Variants in TTC17 observed in about 807,000 individuals in gnomAD.
The protein encoded by TTC17 is tetratricopeptide repeat protein 17.
Under a neutral mutation model 143.8 loss-of-function variants are expected in TTC17, and 58 were observed. The observed-to-expected ratio is 0.40, with a 90% CI of 0.33 to 0.50. The LOEUF is 0.50. Ranked by LOEUF, TTC17 falls within the 20% of genes least tolerant of loss-of-function variation. TTC17 has a pLI of 0.49. For missense variants in TTC17, 1,273 were observed against 1,392.5 expected (o/e 0.91, Z 1.37); for synonymous variants, 501 against 497.8 (o/e 1.01, Z -0.09).
intron 2 of TTC17, among the ~76,000 whole-genome samples, chr11:43,385,151 C>A (rs1262466538): frequency 6.6e-6 from 1 of 152,060 alleles, no homozygotes; most frequent in East Asian, 1.9e-4. Flanking sequence ...AACAAAAATA[C>A]TATAAAATAC....
At chr11:43,412,935 AT>A in intron 15 of TTC17, among the ~76,000 whole-genome samples, 1 of 151,114 alleles carries the variant, frequency 6.6e-6, no homozygotes, top group African/African-American at 2.4e-5. Flanking sequence ...GTGTTTGTGT[AT>A]TGATAAGTTG....
intron 16 of TTC17, among the ~76,000 whole-genome samples, chr11:43,425,197 T>C (rs567487107): frequency 1.3e-5 from 2 of 152,240 alleles, no homozygotes; most frequent in South Asian, 4.1e-4. Flanking sequence ...GTGTGCATGG[T>C]AGTCCCAGCT....
In TTC17 at chr11:43,389,648, A is replaced by G; in HGVS notation, c.250-4A>G. On this transcript the variant is annotated splice_polypyrimidine_tract_variant and splice_region_variant and intron_variant, in intron 2 of 23. Transcript: ENST00000039989. ...CCATTCTGTTCTTACTTTCTTCTCA[A>G]CAGAAACAATTAGTTGCTCAAAAAA... The G allele has an allele frequency of 6.2e-7, 1 of 1,603,932 alleles. No homozygotes were observed. Among genetic ancestry groups the G allele is most frequent in the Non-Finnish European group, 8.5e-7 (1 of 1,176,714 alleles).
At position 43,398,493 on chromosome 11, in the gene TTC17, C is replaced by T. The variant is rs181915227; in HGVS notation, c.1058+380C>T. On this transcript the variant is annotated intron_variant, in intron 8 of 23. Coordinates refer to ENST00000039989, the MANE Select transcript of TTC17 (RefSeq NM_018259.6). ...AATATACTAAGTTTCAGTAAAATCA[C>T]TTACATGTGCAATAGTTGATATTTC... is the stretch of plus-strand genomic sequence containing the variant. 3.0e-3 allele frequency among the ~76,000 whole-genome samples: 458 copies of T among 152,284 alleles called. 2 individuals carry two copies. The highest frequency in any genetic ancestry group is 4.9e-3 in the Non-Finnish European group (333 of 68,024).
intron 8 of TTC17, among the ~76,000 whole-genome samples, chr11:43,398,813 A>G (rs190423435): frequency 5.3e-5 from 8 of 152,322 alleles, no homozygotes; most frequent in African/African-American, 1.9e-4. Flanking sequence ...AGAGATTTAG[A>G]ACTCATTAAA....
rs1381044078 is a variant in TTC17, at chr11:43,448,095, G to C, written c.2759G>C (p.Trp920Ser). 6.2e-7 allele frequency: 1 copy of C among 1,613,958 alleles called. No homozygotes were observed. The highest frequency in any genetic ancestry group is 8.5e-7 in the Non-Finnish European group (1 of 1,179,974). ...WVELTAIVST[W>S]LAVSSKNIDI... is the part of the protein sequence containing the mutation. ...GAGCTGACTGCCATCGTGAGTACCT[G>C]GCTTGCAGTTTCTTCAAAAAACATT... The change falls in exon 19 of 24, where the codon TGG becomes TCG. Residue 920 changes from tryptophan (W) to serine (S), a missense_variant. Physicochemically the swap from Trp to Ser is radical, Grantham distance 177. Transcript: ENST00000039989.
chr11:43,428,988 G>T (rs1329211189), intron 16 of TTC17, among the ~76,000 whole-genome samples: 1 of 152,154 alleles, frequency 6.6e-6, no homozygotes, highest in East Asian at 1.9e-4. Context: ...ATTTCATTCA[G>T]CAGTAATTAC....
chr11:43,494,032 T>C lies in TTC17; in HGVS notation c.*128T>C, dbSNP rs1452275177. ...AAATAACTAAGACTTATAACAGGAC[T>C]TTTACATATGTGGGAATTGGTTTGT... On this transcript the variant is annotated 3_prime_UTR_variant, in exon 24 of 24. Coordinates refer to ENST00000039989, the MANE Select transcript of TTC17 (RefSeq NM_018259.6). 1.5e-6 allele frequency: 2 copies of C among 1,299,694 alleles called. No homozygotes were observed. Among genetic ancestry groups the C allele is most frequent in the African/African-American group, 3.0e-5 (2 of 66,696 alleles). 80.5% of individuals were successfully genotyped at this position (1,299,694 alleles called of 1,614,324 possible).
intron 15 of TTC17, among the ~76,000 whole-genome samples, chr11:43,409,594 C>T (rs979478858): frequency 1.3e-5 from 2 of 152,162 alleles, no homozygotes; most frequent in Admixed American, 6.5e-5. Flanking sequence ...ATGGAATTTC[C>T]CCTTTGATAG....
chr11:43,428,106 A>G (rs1187566312), intron 16 of TTC17, among the ~76,000 whole-genome samples: 2 of 152,182 alleles, frequency 1.3e-5, no homozygotes, highest in Non-Finnish European at 2.9e-5. Flanking sequence ...GTAGGAGCTA[A>G]CATGTCTGAC....
intron 21 of TTC17, among the ~76,000 whole-genome samples, chr11:43,454,589 C>G (rs956519340): frequency 6.6e-6 from 1 of 151,798 alleles, no homozygotes; most frequent in African/African-American, 2.4e-5. Flanking sequence ...CGAGAAATAT[C>G]CAAATAAAAT....
intron 2 of TTC17, 45 bp from the exon 3 acceptor site, chr11:43,389,606 TA>T: frequency 6.5e-7 from 1 of 1,533,222 alleles, no homozygotes; most frequent in Non-Finnish European, 8.8e-7. Flanking sequence ...GTAGTTAGAC[TA>T]AAATATTAGA....
intron 18 of TTC17, among the ~76,000 whole-genome samples, chr11:43,447,013 G>T (rs1947557303): frequency 6.6e-6 from 1 of 152,092 alleles, no homozygotes; most frequent in African/African-American, 2.4e-5. Context: ...TCTCATCTGA[G>T]AAATGAGGGT....
At chr11:43,398,258 G>T (rs1218067533) in intron 8 of TTC17, 145 bp downstream of exon 8, 2 of 1,036,448 alleles carry the variant, frequency 1.9e-6, no homozygotes, top group African/African-American at 3.2e-5. Context: ...TTTTCTGTAA[G>T]TCCTGGTGGT....
intron 21 of TTC17, among the ~76,000 whole-genome samples, chr11:43,458,801 A>G (rs757091360): frequency 6.6e-6 from 1 of 152,168 alleles, no homozygotes; most frequent in Non-Finnish European, 1.5e-5. Context: ...TTAATAAGAC[A>G]TTTTGAGGTA....
At position 43,401,325 on chromosome 11, in the gene TTC17, C is replaced by T. The variant is rs183504122; in HGVS notation, c.1220-121C>T. On this transcript the variant is annotated intron_variant, in intron 9 of 23. Coordinates refer to ENST00000039989, the MANE Select transcript of TTC17 (RefSeq NM_018259.6). ...TATTTCTCTATATAAGTACGTCCTA[C>T]GTAAGTAGCCTGCTAGGCTCTGAGG... The T allele has an allele frequency of 3.1e-4, 186 of 600,938 alleles. 2 individuals are homozygous for T. The African/African-American group carries it at 3.4e-3, about 11-fold the overall frequency. The allele number at this position is 600,938 out of a possible 1,614,324, so 37.2% of individuals were successfully genotyped here. A position where few individuals can be genotyped will look rare whatever the true frequency, so the allele number is the denominator to read the frequency against.
intron 2 of TTC17, among the ~76,000 whole-genome samples, chr11:43,384,413 T>TG (rs1248729887): frequency 6.6e-6 from 1 of 152,192 alleles, no homozygotes; most frequent in South Asian, 2.1e-4. Context: ...CCCAGCACTC[T>TG]GGGGGGTCGA....
chr11:43,480,987 C>T (rs896665367), intron 21 of TTC17, among the ~76,000 whole-genome samples: 5 of 150,868 alleles, frequency 3.3e-5, no homozygotes, highest in Non-Finnish European at 7.4e-5. Flanking sequence ...AAAGGAACTG[C>T]ATATTTTTAT....
chr11:43,397,574 T>C, intron 7 of TTC17, 83 bp downstream of exon 7: 2 of 1,388,156 alleles, frequency 1.4e-6, no homozygotes, highest in South Asian at 3.4e-5. Flanking sequence ...AGTAGAATGT[T>C]ACTTTTTTCC....
Sources: allele counts gnomAD v4.1 joint callset (sites outside exome capture counted in the v4.1 genomes callset), GRCh38; gene constraint gnomAD v4.1.1; transcripts MANE v1.5; gene names NCBI Gene and HGNC (gene_info 2026-07-23, HGNC 2026-07-21).